Variants in CPSF1 observed in about 807,000 individuals in gnomAD.
The protein encoded by CPSF1 is cleavage and polyadenylation specific factor 1.
CPSF1 carries 106 observed loss-of-function variants against 175.8 expected under a neutral mutation model. The ratio of observed to expected loss-of-function variants is 0.60; its 90% CI spans 0.52 to 0.71. CPSF1 has a LOEUF of 0.71. Ranked by LOEUF, CPSF1 falls within the 30% of genes least tolerant of loss-of-function variation. CPSF1 has a pLI of 0.00. For synonymous variants in CPSF1, 1,024 were observed against 858.3 expected (o/e 1.19, Z -3.37); for missense variants, 1,734 against 2,022.9 (o/e 0.86, Z 2.74).
chr8:144,393,597 C>T lies in CPSF1; in HGVS notation c.4146-7G>A, dbSNP rs1165422706. 5.0e-6 allele frequency: 8 copies of T among 1,601,084 alleles called. No homozygotes were observed. The highest frequency in any genetic ancestry group is 4.5e-5 in the East Asian group (2 of 44,398). ...GCGGTCCACGTGCAGCATCCTGGGG[C>T]GTACAGGCACAGGTGTCAGGGCAGG... is the stretch of plus-strand genomic sequence containing the variant. On this transcript the variant is annotated splice_region_variant and splice_polypyrimidine_tract_variant and intron_variant, in intron 36 of 37. Coordinates refer to ENST00000616140, the MANE Select transcript of CPSF1 (RefSeq NM_013291.3).
Position 144,396,946 on chromosome 8 carries a change from A to G in CPSF1, c.2593-17T>C. The G allele has an allele frequency of 6.3e-7, 1 of 1,589,106 alleles. No homozygotes were observed. On this transcript the variant is annotated splice_polypyrimidine_tract_variant and intron_variant, in intron 23 of 37. Coordinates refer to ENST00000616140, the MANE Select transcript of CPSF1 (RefSeq NM_013291.3). ...CACATGCACCTGGCAGGATGAGGGG[A>G]GCCATGGGGGAACGGGCAGGGCCAT...
At position 144,401,092 on chromosome 8, in the gene CPSF1, C is replaced by T. The variant is rs2116881278; in HGVS notation, c.388-17G>A. The T allele has an allele frequency of 6.3e-7, 1 of 1,596,042 alleles. No individual in the cohort carries two copies. The highest frequency in any genetic ancestry group is 1.7e-5 in the Admixed American group (1 of 59,210). ...AAACCCGTCCTGGGGGCAGAGGGGG[C>T]ATCAGCCAGGCCCAGCATAGGAGAC... On this transcript the variant is annotated splice_polypyrimidine_tract_variant and intron_variant, in intron 5 of 37. Coordinates refer to ENST00000616140, the MANE Select transcript of CPSF1 (RefSeq NM_013291.3).
intron 2 of CPSF1, 56 bp downstream of exon 2, chr8:144,408,959 G>C: frequency 6.3e-7 from 1 of 1,587,216 alleles, no homozygotes; most frequent in Non-Finnish European, 8.6e-7. Context: ...GCAACCGGGG[G>C]CGGTGAGAGC....
rs2116857386 is a variant in CPSF1 at position 144,399,040 on chromosome 8, T to C, written c.1468-2A>G. ...GTCCGGCTCGGGGCTGTTCTGAAAC[T>C]GCACAGGACTCGGGGGTGAGGACTA... On this transcript the variant is annotated splice_acceptor_variant, in intron 15 of 37. Coordinates refer to ENST00000616140, the MANE Select transcript of CPSF1 (RefSeq NM_013291.3). LOFTEE classifies it high-confidence loss of function. This position sits in a 1 kb window ranked among gnomAD's most constrained non-coding sequence, Gnocchi z 6.4. 1 of 1,589,128 alleles carries C rather than the reference T, an allele frequency of 6.3e-7. No individual in the cohort carries two copies. Among genetic ancestry groups the C allele is most frequent in the Non-Finnish European group, 8.6e-7 (1 of 1,168,420 alleles).
chr8:144,399,440 A>C lies in CPSF1; in HGVS notation c.1294+12T>G. 1 of 1,612,808 alleles carries C rather than the reference A, an allele frequency of 6.2e-7. No individual in the cohort carries two copies. The highest frequency in any genetic ancestry group is 1.1e-5 in the South Asian group (1 of 91,038). On this transcript the variant is annotated intron_variant, in intron 13 of 37. Transcript: ENST00000616140. This position sits in a 1 kb window ranked among gnomAD's most constrained non-coding sequence, Gnocchi z 6.4. ...TGGCCCCGCTCCTGACCAGCCCTGG[A>C]CCGGCCCTCACCTGACCAGCCGGCC...
rs2116853008 is a variant in CPSF1, at chr8:144,398,627, G to A, written c.1650C>T (p.Pro550=). 8 of 1,613,860 alleles carry A rather than the reference G, an allele frequency of 5.0e-6. No homozygotes were observed. Among genetic ancestry groups the A allele is most frequent in the South Asian group, 2.2e-5 (2 of 91,092 alleles). Residue 550 remains proline (P), a synonymous_variant, in exon 18 of 38, where the codon CCC becomes CCT. Coordinates refer to ENST00000616140, the MANE Select transcript of CPSF1 (RefSeq NM_013291.3). Reference sequence around the variant, plus strand: ...GTTCCTGCTCTGTGCCCTCCCCCTTGGGATTGTCCTCCTGTCAGGGCCAAA... The same window carrying A: ...GTTCCTGCTCTGTGCCCTCCCCCTTAGGATTGTCCTCCTGTCAGGGCCAAA... ...APVRKEEEDN[P]KGEGTEQEPS... is the part of the protein sequence containing the mutation.
In CPSF1 at chr8:144,398,097, C is replaced by A. The variant is rs781979111; in HGVS notation, c.1930G>T (p.Ala644Ser). ...QLHFIPVDLG[A>S]PIVQCAVADP... ...GCCACGGCGCACTGCACGATGGGGG[C>A]GCCCAGGTCCACGGGGATGAAGTGC... is the stretch of plus-strand genomic sequence containing the variant. Residue 644 changes from alanine to serine, a missense_variant, in exon 20 of 38, where the codon GCC becomes TCC. Coordinates refer to ENST00000616140, the MANE Select transcript of CPSF1 (RefSeq NM_013291.3). 5 of 1,608,566 alleles carry A rather than the reference C, an allele frequency of 3.1e-6. No homozygotes were observed. Among genetic ancestry groups the A allele is most frequent in the African/African-American group, 1.3e-5 (1 of 74,810 alleles).
At position 144,396,594 on chromosome 8, in the gene CPSF1, C is replaced by T. The variant is rs782513823; in HGVS notation, c.2826+4G>A. 1.9e-5 allele frequency: 30 copies of T among 1,612,094 alleles called. No individual in the cohort carries two copies. The highest frequency in any genetic ancestry group is 2.5e-5 in the Non-Finnish European group (29 of 1,179,140). The stretch of plus-strand genomic sequence containing the variant: ...CACAGACCCCTGCAAAGGCGCTGGC[C>T]TACCCCTGAGTAGCCATAAATATCC... On this transcript the variant is annotated splice_donor_region_variant and intron_variant, in intron 25 of 37. Transcript: ENST00000616140.
chr8:144,398,507 C>T lies in CPSF1; in HGVS notation c.1752+18G>A, dbSNP rs2116851356. On this transcript the variant is annotated intron_variant, in intron 18 of 37. Coordinates refer to ENST00000616140, the MANE Select transcript of CPSF1 (RefSeq NM_013291.3). Reference sequence around the variant, plus strand: ...GGACCCCAGCCCCAGGTCCCAGGTCCCAGGCCCTGCCCCTCACCATGGTGG... The same window carrying T: ...GGACCCCAGCCCCAGGTCCCAGGTCTCAGGCCCTGCCCCTCACCATGGTGG... 6.2e-7 allele frequency: 1 copy of T among 1,613,690 alleles called. No individual in the cohort carries two copies. The highest frequency in any genetic ancestry group is 1.1e-5 in the South Asian group (1 of 91,064).
chr8:144,400,464 G>C lies in CPSF1; in HGVS notation c.716C>G (p.Ser239Cys), dbSNP rs2116875317. The C allele has an allele frequency of 6.2e-7, 1 of 1,613,298 alleles. No individual in the cohort carries two copies. Among genetic ancestry groups the C allele is most frequent in the East Asian group, 2.2e-5 (1 of 44,874 alleles). ...GRVAVRQDTC[S>C]IVAISLNITQ... ...GATGTTCAGTGAGATGGCCACAATG[G>C]AGCACGTGTCCTGCCGCACGGCCAC... Residue 239 changes from serine to cysteine, a missense_variant, in exon 8 of 38, where the codon TCC becomes TGC. Coordinates refer to ENST00000616140, the MANE Select transcript of CPSF1 (RefSeq NM_013291.3).
Position 144,404,852 on chromosome 8 carries a change from C to T in CPSF1, c.145-3179G>A, listed in dbSNP as rs553932354. On this transcript the variant is annotated intron_variant, in intron 2 of 37. Coordinates refer to ENST00000616140, the MANE Select transcript of CPSF1 (RefSeq NM_013291.3). ...CAAGCGGATCACGGGGTCAGGCGAT[C>T]GAGACCATCCTGGCTAACACGGTGA... Among the ~76,000 whole-genome samples, 6 of 151,574 alleles carry T rather than the reference C, an allele frequency of 4.0e-5. No individual in the cohort carries two copies. The South Asian group carries it at 1.0e-3, about 26-fold the overall frequency.
In CPSF1 at chr8:144,394,359, C is replaced by T; in HGVS notation, c.3744+20G>A. The T allele has an allele frequency of 6.3e-7, 1 of 1,590,906 alleles. No homozygotes were observed. The highest frequency in any genetic ancestry group is 8.6e-7 in the Non-Finnish European group (1 of 1,166,964). On this transcript the variant is annotated intron_variant, in intron 32 of 37. Coordinates refer to ENST00000616140, the MANE Select transcript of CPSF1 (RefSeq NM_013291.3). ...GGGCGGGTACCCACCCAGACACGAG[C>T]ACCGCCGCCACAGGTGTACCCGCGA...
intron 2 of CPSF1, among the ~76,000 whole-genome samples, chr8:144,407,871 T>C (rs1331964560): frequency 6.6e-6 from 1 of 152,124 alleles, no homozygotes; most frequent in Non-Finnish European, 1.5e-5. Context: ...GGACTCGCCG[T>C]GGCTTCAGTC....
At position 144,398,698 on chromosome 8, in the gene CPSF1, G is replaced by A. The variant is rs2116853768; in HGVS notation, c.1639-60C>T. 2.6e-4 allele frequency: 411 copies of A among 1,603,174 alleles called. 2 individuals are homozygous for A. Among genetic ancestry groups the A allele is most frequent in the South Asian group, 1.8e-3 (162 of 90,656 alleles). On this transcript the variant is annotated intron_variant, in intron 17 of 37. Coordinates refer to ENST00000616140, the MANE Select transcript of CPSF1 (RefSeq NM_013291.3). Reference sequence around the variant, plus strand: ...CAGTCCAGTGAAGGCAGGCACGCAGGTGCGACCTGGGCACCCCCGGCCTAT... The same window carrying A: ...CAGTCCAGTGAAGGCAGGCACGCAGATGCGACCTGGGCACCCCCGGCCTAT...
At chr8:144,402,772 AAAC>A (rs2116892647) in intron 2 of CPSF1, among the ~76,000 whole-genome samples, 18 of 152,132 alleles carry the variant, frequency 1.2e-4, no homozygotes, top group Non-Finnish European at 2.2e-4. Context: ...CTTAAAAAAA[AAAC>A]ACACACCCAC....
Position 144,400,508 on chromosome 8 carries a change from G to A in CPSF1, c.687-15C>T. The A allele has an allele frequency of 1.2e-6, 2 of 1,611,958 alleles. No individual in the cohort carries two copies. The highest frequency in any genetic ancestry group is 1.7e-6 in the Non-Finnish European group (2 of 1,179,880). On this transcript the variant is annotated splice_polypyrimidine_tract_variant and intron_variant, in intron 7 of 37. Transcript: ENST00000616140. Reference sequence around the variant, plus strand: ...CGGCCACGCGCCTGGGGACGCCAGTGGGTCAGCCAAGGGCCTTGCCTCCCC... The same window carrying A: ...CGGCCACGCGCCTGGGGACGCCAGTAGGTCAGCCAAGGGCCTTGCCTCCCC...
chr8:144,393,891 G>A lies in CPSF1; in HGVS notation c.4007C>T (p.Thr1336Met), dbSNP rs372193470. 4.3e-6 allele frequency: 7 copies of A among 1,611,132 alleles called. No individual in the cohort carries two copies. The highest frequency in any genetic ancestry group is 1.7e-4 in the Middle Eastern group (1 of 6,054). Residue 1336 changes from threonine (T) to methionine (M), a missense_variant, in exon 35 of 38, where the codon ACG becomes ATG. This residue lies in a region of CPSF1 where 323 missense variants were observed against 338.5 expected (regional missense o/e 0.95). Transcript: ENST00000616140. Reference sequence around the variant, plus strand: ...TGCTCCCCCACACTCACCAAACCACGTGATGTGCTTATTCTCCCACACGAC... The same window carrying A: ...TGCTCCCCCACACTCACCAAACCACATGATGTGCTTATTCTCCCACACGAC... ...KSVVWENKHI[T>M]WFATLDGGIG...
In CPSF1 at chr8:144,397,204, C is replaced by T. The variant is rs1554864212; in HGVS notation, c.2592+3G>A. 6.5e-7 allele frequency: 1 copy of T among 1,536,400 alleles called. No homozygotes were observed. Among genetic ancestry groups the T allele is most frequent in the African/African-American group, 1.4e-5 (1 of 72,942 alleles). ...AAGGGGAGGCCAGGCCAGGCGCACTCACCAGCAGGTAGGGCCTGCTCTGGC... is the reference window on the plus strand; with the variant it reads ...AAGGGGAGGCCAGGCCAGGCGCACTTACCAGCAGGTAGGGCCTGCTCTGGC... On this transcript the variant is annotated splice_donor_region_variant and intron_variant, in intron 23 of 37. Coordinates refer to ENST00000616140, the MANE Select transcript of CPSF1 (RefSeq NM_013291.3).
Position 144,397,793 on chromosome 8 carries a change from C to A in CPSF1, c.2160G>T (p.Glu720Asp), listed in dbSNP as rs781992735. ...TESRLGGARD[E>D]LGGRSGPEAE... ...CCTCCGGGCCACTGCGGCCCCCGAGCTCGTCACGGGCCCCACCCAGGCGGC... is the reference window on the plus strand; with the variant it reads ...CCTCCGGGCCACTGCGGCCCCCGAGATCGTCACGGGCCCCACCCAGGCGGC... Residue 720 changes from glutamate to aspartate, a missense_variant, in exon 21 of 38, where the codon GAG becomes GAT. Physicochemically the swap from Glu to Asp is conservative, Grantham distance 45 (BLOSUM62 2). Coordinates refer to ENST00000616140, the MANE Select transcript of CPSF1 (RefSeq NM_013291.3). 7.5e-6 allele frequency: 12 copies of A among 1,610,400 alleles called. No individual in the cohort carries two copies. Among genetic ancestry groups the A allele is most frequent in the Non-Finnish European group, 1.0e-5 (12 of 1,178,902 alleles).
Sources: allele counts gnomAD v4.1 joint callset (sites outside exome capture counted in the v4.1 genomes callset), GRCh38; gene constraint gnomAD v4.1.1; regional missense constraint gnomAD v4.1.1; non-coding constraint Gnocchi (gnomAD v3.1); transcripts MANE v1.5; gene names NCBI Gene and HGNC (gene_info 2026-07-23, HGNC 2026-07-21).